VPS13A: variants seen among roughly 807,000 people sequenced by gnomAD.
VPS13A encodes the protein intermembrane lipid transfer protein VPS13A.
Under a neutral mutation model 390.9 loss-of-function variants are expected in VPS13A, and 264 were observed. The observed-to-expected ratio is 0.68, with a 90% CI of 0.61 to 0.75. The LOEUF is 0.75. Among genes scored for constraint, VPS13A ranks in the 30% least tolerant of loss-of-function variants. VPS13A has a pLI of 0.00. For missense variants in VPS13A, 3,409 were observed against 3,733.9 expected, an observed-to-expected ratio of 0.91 and a Z score of 2.27; for synonymous variants, 1,231 against 1,227.1, an observed-to-expected ratio of 1.00 and a Z score of -0.07.
intron 22 of VPS13A, among the ~76,000 whole-genome samples, chr9:77,256,226 T>C (rs1412271103): frequency 6.6e-6 from 1 of 152,130 alleles, no homozygotes; most frequent in Non-Finnish European, 1.5e-5. Flanking sequence ...TTTTCTAATT[T>C]CCCTTGTGAT....
At chr9:77,276,958 A>T (rs978285553) in intron 26 of VPS13A, among the ~76,000 whole-genome samples, 1 of 152,212 alleles carries the variant, frequency 6.6e-6, no homozygotes, top group Non-Finnish European at 1.5e-5. Flanking sequence ...CATATGAGTT[A>T]ACATATTCTC....
chr9:77,307,168 G>T (rs535560755), intron 34 of VPS13A, among the ~76,000 whole-genome samples: 1 of 152,254 alleles, frequency 6.6e-6, no homozygotes, highest in East Asian at 1.9e-4. Context: ...GCCTCCCAGA[G>T]TGCTGGGCTT....
At position 77,260,351 on chromosome 9, in the gene VPS13A, CTTTTTTTT is replaced by C. The variant is rs750675055; in HGVS notation, c.2427+143_2427+150del. The C allele has an allele frequency of 1.2e-3, 433 of 376,216 alleles. 1 individual carries two copies. Among genetic ancestry groups the C allele is most frequent in the Middle Eastern group, 2.0e-3 (2 of 1,008 alleles). The allele number at this position is 376,216 out of a possible 1,614,324, so 23.3% of individuals were successfully genotyped here. ...TTTTGAATAGACATTAAGAAAATTA[CTTTTTTTT>C]TTTTTTTTTTTTTTTGAGATGGAGT... On this transcript the variant is annotated intron_variant, in intron 23 of 71. Coordinates refer to ENST00000360280, the MANE Select transcript of VPS13A (RefSeq NM_033305.3).
chr9:77,395,669 A>G (rs746763910), intron 68 of VPS13A: 3 of 152,170 alleles, frequency 2.0e-5, no homozygotes, highest in Non-Finnish European at 2.9e-5. Flanking sequence ...AATTATTAGC[A>G]TGGTGCCTAA....
chr9:77,195,373 T>A (rs1824929847), intron 1 of VPS13A, among the ~76,000 whole-genome samples: 1 of 152,172 alleles, frequency 6.6e-6, no homozygotes, highest in African/African-American at 2.4e-5. Context: ...ATCTGCCTGC[T>A]TCGGCCTCCC....
At chr9:77,261,903 G>A (rs1348100541) in intron 23 of VPS13A, among the ~76,000 whole-genome samples, 1 of 152,176 alleles carries the variant, frequency 6.6e-6, no homozygotes, top group Non-Finnish European at 1.5e-5. Context: ...TTAACTTATA[G>A]TTTGCTAACA....
rs1466042021 is a variant in VPS13A, at chr9:77,228,245, C to A, written c.1576C>A (p.Pro526Thr). 7 of 1,599,300 alleles carry A rather than the reference C, an allele frequency of 4.4e-6. No homozygotes were observed. Among genetic ancestry groups the A allele is most frequent in the Non-Finnish European group, 6.0e-6 (7 of 1,172,368 alleles). ...ATTTAGCACCTTAATTGTGCAAAGA[C>A]CAGGAGCACAAGCAATAAAGTAAGT... ...EEFSTLIVQR[P>T]GAQAIKFETK... Residue 526 changes from proline (P) to threonine (T), a missense_variant, in exon 17 of 72, where the codon CCA becomes ACA. Coordinates refer to ENST00000360280, the MANE Select transcript of VPS13A (RefSeq NM_033305.3).
chr9:77,296,856 A>C (rs1317681044), intron 33 of VPS13A, among the ~76,000 whole-genome samples: 3 of 152,076 alleles, frequency 2.0e-5, no homozygotes, highest in African/African-American at 7.2e-5. Flanking sequence ...GGGCTATTCA[A>C]GTTATTTTTT....
At chr9:77,329,767 A>G (rs1767140337) in intron 45 of VPS13A, among the ~76,000 whole-genome samples, 1 of 152,226 alleles carries the variant, frequency 6.6e-6, no homozygotes, top group Admixed American at 6.5e-5. Context: ...AAAGCAAAAC[A>G]TTATAAAACA....
At chr9:77,372,670 A>G (rs1832844389) in intron 67 of VPS13A, among the ~76,000 whole-genome samples, 1 of 152,168 alleles carries the variant, frequency 6.6e-6, no homozygotes, top group African/African-American at 2.4e-5. Context: ...AAGGGTATTC[A>G]GTTAGGAAAA....
At chr9:77,389,592 A>G (rs1833825948) in intron 68 of VPS13A, 1 of 152,150 alleles carries the variant, frequency 6.6e-6, no homozygotes. Flanking sequence ...GACGTGATCC[A>G]TTGCTCTCGG....
At chr9:77,220,125 A>G (rs770768882) in intron 11 of VPS13A, 44 bp downstream of exon 11, 2 of 1,571,510 alleles carry the variant, frequency 1.3e-6, no homozygotes, top group South Asian at 2.3e-5. Flanking sequence ...TTATTGTTTG[A>G]TAAAAGCAAA....
At chr9:77,357,570 A>T in intron 55 of VPS13A, 122 bp from the exon 56 acceptor site, 1 of 982,080 alleles carries the variant, frequency 1.0e-6, no homozygotes, top group Non-Finnish European at 1.5e-6. Flanking sequence ...GGATATTAAG[A>T]TCTAAATCTA....
At chr9:77,232,690 G>C (rs1823904508) in intron 17 of VPS13A, among the ~76,000 whole-genome samples, 1 of 152,140 alleles carries the variant, frequency 6.6e-6, no homozygotes, top group Non-Finnish European at 1.5e-5. Context: ...GCAGGCAAGA[G>C]AGAGCTTGTG....
chr9:77,348,423 A>G (rs1012136682), intron 52 of VPS13A, among the ~76,000 whole-genome samples: 1 of 152,144 alleles, frequency 6.6e-6, no homozygotes, highest in Non-Finnish European at 1.5e-5. Flanking sequence ...ATGAGAACAC[A>G]TGGACACAGG....
At chr9:77,349,335 A>G (rs1160145737) in intron 52 of VPS13A, among the ~76,000 whole-genome samples, 1 of 152,036 alleles carries the variant, frequency 6.6e-6, no homozygotes, top group Non-Finnish European at 1.5e-5. Context: ...CAGGGGTTAC[A>G]TGTGCAGGTT....
intron 67 of VPS13A, among the ~76,000 whole-genome samples, chr9:77,374,258 A>G (rs926471976): frequency 6.6e-6 from 1 of 152,184 alleles, no homozygotes; most frequent in Non-Finnish European, 1.5e-5. Context: ...CTGTACATAC[A>G]TATCCGTGAT....
intron 68 of VPS13A, among the ~76,000 whole-genome samples, chr9:77,400,875 T>C (rs967389671): frequency 9.2e-5 from 14 of 152,058 alleles, no homozygotes; most frequent in Non-Finnish European, 1.6e-4. Context: ...ATAGTACTTT[T>C]ATAGTTATTT....
intron 71 of VPS13A, among the ~76,000 whole-genome samples, chr9:77,412,283 C>A (rs1172264932): frequency 1.3e-5 from 2 of 152,034 alleles, no homozygotes; most frequent in Non-Finnish European, 2.9e-5. Context: ...CTGGCAGAGA[C>A]ACAACAAAAA....
Sources: gnomAD v4.1 joint callset for allele counts (sites outside exome capture counted in the v4.1 genomes callset) on GRCh38, gnomAD v4.1.1 for gene constraint, MANE v1.5 for transcripts, NCBI Gene and HGNC (gene_info 2026-07-23, HGNC 2026-07-21) for gene names.